Variants in EPAS1 observed in about 807,000 individuals in gnomAD.
EPAS1 encodes the protein endothelial PAS domain protein 1.
EPAS1 carries 23 observed loss-of-function variants against 87.9 expected under a neutral mutation model. That is an observed-to-expected ratio of 0.26 (90% CI 0.19 to 0.37). The LOEUF (loss-of-function observed/expected upper bound fraction) is 0.37, where lower values mean the gene tolerates loss of function less well. Ranked by LOEUF, EPAS1 falls within the 10% of genes least tolerant of loss-of-function variation. The pLI is 1.00. For missense variants in EPAS1, 1,138 were observed against 1,120.7 expected, an observed-to-expected ratio of 1.02 and a Z score of -0.22; for synonymous variants, 508 against 444.3, an observed-to-expected ratio of 1.14 and a Z score of -1.80.
At chr2:46,310,189 C>G (rs1011960476) in intron 1 of EPAS1, among the ~76,000 whole-genome samples, 1 of 150,694 alleles carries the variant, frequency 6.6e-6, no homozygotes, top group African/African-American at 2.5e-5. Flanking sequence ...ACCCTCATCC[C>G]CATGTTCTCT....
intron 1 of EPAS1, among the ~76,000 whole-genome samples, chr2:46,332,332 G>GTGTGTGTATA (rs146630883): frequency 2.1e-5 from 3 of 142,114 alleles, no homozygotes; most frequent in Non-Finnish European, 3.0e-5. Context: ...GTGTGTGTGT[G>GTGTGTGTATA]TATCAACTTG....
At chr2:46,315,368 G>C (rs1391350090) in intron 1 of EPAS1, among the ~76,000 whole-genome samples, 1 of 152,164 alleles carries the variant, frequency 6.6e-6, no homozygotes, top group East Asian at 1.9e-4. Flanking sequence ...ACGGAGGTGA[G>C]TCACAGTGCA....
intron 1 of EPAS1, among the ~76,000 whole-genome samples, chr2:46,334,437 G>A (rs1012891063): frequency 2.6e-5 from 4 of 152,134 alleles, no homozygotes; most frequent in Non-Finnish European, 4.4e-5. Flanking sequence ...CCCATTCCCA[G>A]TGTGTCTTTG....
At chr2:46,377,852 G>A (rs758955293) in intron 9 of EPAS1, 42 bp from the exon 10 acceptor site, 196 of 1,551,500 alleles carry the variant, frequency 1.3e-4, no homozygotes, top group Admixed American at 5.1e-4. Flanking sequence ...GGGTGAGCCC[G>A]ATGGTTGTGG....
intron 1 of EPAS1, among the ~76,000 whole-genome samples, chr2:46,345,227 A>G (rs1684000165): frequency 6.6e-6 from 1 of 152,198 alleles, no homozygotes; most frequent in African/African-American, 2.4e-5. Context: ...TGATTCTCCC[A>G]TCTGGGACTA....
At chr2:46,378,611 C>G in intron 10 of EPAS1, 46 bp from the exon 11 acceptor site, 1 of 1,530,490 alleles carries the variant, frequency 6.5e-7, no homozygotes, top group South Asian at 1.1e-5. Flanking sequence ...TCTGGGGAGA[C>G]CAGTGCCATA....
In EPAS1 at chr2:46,375,857, C is replaced by A; in HGVS notation, c.1034+20C>A. 1 of 1,614,006 alleles carries A rather than the reference C, an allele frequency of 6.2e-7. No individual in the cohort carries two copies. On this transcript the variant is annotated intron_variant, in intron 8 of 15. Transcript: ENST00000263734. This position sits in a 1 kb window ranked among gnomAD's most constrained non-coding sequence, Gnocchi z 4.1. ...CCTGAGGTAAGCATGTGAGGGCTGG[C>A]GGGCCTTGGTGCAGGGTATGTGGGG...
At chr2:46,362,022 G>C (rs572374778) in intron 6 of EPAS1, among the ~76,000 whole-genome samples, 6 of 152,224 alleles carry the variant, frequency 3.9e-5, no homozygotes, top group African/African-American at 1.4e-4. Context: ...TGGGCCCAGG[G>C]TAGGCCTGGC....
intron 10 of EPAS1, among the ~76,000 whole-genome samples, chr2:46,378,403 G>A (rs975636967): frequency 6.6e-6 from 1 of 152,196 alleles, no homozygotes. Context: ...CCTGTATCCT[G>A]TTTGGTCCTC....
At chr2:46,370,044 G>C in intron 7 of EPAS1, 111 bp downstream of exon 7, 1 of 837,232 alleles carries the variant, frequency 1.2e-6, no homozygotes, top group South Asian at 1.4e-5. Flanking sequence ...CAGAGCTGCT[G>C]TCTTGTGTGG....
In EPAS1 at chr2:46,369,816, T is replaced by C; in HGVS notation, c.780-11T>C. ...CTTTCTTCCTTACATGCTGCCTTTTTAAAAACTCAGAATCACAGAACTGAT... is the reference window on the plus strand; with the variant it reads ...CTTTCTTCCTTACATGCTGCCTTTTCAAAAACTCAGAATCACAGAACTGAT... On this transcript the variant is annotated splice_polypyrimidine_tract_variant and intron_variant, in intron 6 of 15. Transcript: ENST00000263734. 1 of 1,608,094 alleles carries C rather than the reference T, an allele frequency of 6.2e-7. No individual in the cohort carries two copies. Among genetic ancestry groups the C allele is most frequent in the Non-Finnish European group, 8.5e-7 (1 of 1,176,034 alleles).
Position 46,297,954 on chromosome 2 carries a change from G to A in EPAS1, c.26+17G>A, listed in dbSNP as rs1403041385. On this transcript the variant is annotated intron_variant, in intron 1 of 15. Coordinates refer to ENST00000263734, the MANE Select transcript of EPAS1 (RefSeq NM_001430.5). Reference sequence around the variant, plus strand: ...GAAGAAAAGGTAAGCGGGCGTCCGGGCCGATCAGGGGGCCGGTCCGAGGCC... The same window carrying A: ...GAAGAAAAGGTAAGCGGGCGTCCGGACCGATCAGGGGGCCGGTCCGAGGCC... 6.2e-7 allele frequency: 1 copy of A among 1,611,674 alleles called. No individual in the cohort carries two copies. Among genetic ancestry groups the A allele is most frequent in the Non-Finnish European group, 8.5e-7 (1 of 1,179,034 alleles).
chr2:46,375,282 C>T lies in EPAS1; in HGVS notation c.887-408C>T, dbSNP rs1395783951. 6.6e-6 allele frequency among the ~76,000 whole-genome samples: 1 copy of T among 151,458 alleles called. No homozygotes were observed. Among genetic ancestry groups the T allele is most frequent in the Admixed American group, 6.6e-5 (1 of 15,226 alleles). ...TGGAGTGCTTGACGGGATGGCGCTC[C>T]TTACCCAGTGTGAAGGGGCTTCTTC... On this transcript the variant is annotated intron_variant, in intron 7 of 15. Transcript: ENST00000263734. The surrounding 1 kb of genome is among the most constrained non-coding windows in gnomAD (Gnocchi z 4.1).
intron 3 of EPAS1, 141 bp downstream of exon 3, chr2:46,356,443 C>T: frequency 1.9e-6 from 2 of 1,077,036 alleles, no homozygotes; most frequent in Non-Finnish European, 2.8e-6. Context: ...AGGCCACACG[C>T]CTCAGGCCAC....
chr2:46,352,728 C>T (rs1033488726), intron 2 of EPAS1, among the ~76,000 whole-genome samples: 1 of 152,194 alleles, frequency 6.6e-6, no homozygotes, highest in Non-Finnish European at 1.5e-5. Context: ...AGGGAAGAGA[C>T]CCTGTCCCGG....
rs57351888 is a variant in EPAS1, at chr2:46,359,257, C to CAA, written c.455-1358_455-1357dup. Among the ~76,000 whole-genome samples the CAA allele has an allele frequency of 6.8e-3, 169 of 24,878 alleles. 15 individuals carry two copies. The highest frequency in any genetic ancestry group is 0.053 in the Middle Eastern group (2 of 38). 16.3% of individuals were successfully genotyped at this position (24,878 alleles called of 152,430 possible). On this transcript the variant is annotated intron_variant, in intron 4 of 15. Coordinates refer to ENST00000263734, the MANE Select transcript of EPAS1 (RefSeq NM_001430.5). The stretch of plus-strand genomic sequence containing the variant: ...CTGGCGACAGAGCAAGATTCTGTCT[C>CAA]AAAAAAAAAAAAAAAAAAAAAAAAG...
intron 1 of EPAS1, among the ~76,000 whole-genome samples, chr2:46,319,891 G>T (rs1055433184): frequency 2.0e-5 from 3 of 152,136 alleles, no homozygotes; most frequent in Non-Finnish European, 4.4e-5. Context: ...TGTCTATGTG[G>T]GAAAGCATGA....
At chr2:46,367,657 C>G (rs1684531999) in intron 6 of EPAS1, among the ~76,000 whole-genome samples, 2 of 152,232 alleles carry the variant, frequency 1.3e-5, no homozygotes, top group Admixed American at 1.3e-4. Flanking sequence ...ACAGATCCTT[C>G]TGCTCTGAGA....
chr2:46,382,075 C>T lies in EPAS1; in HGVS notation c.2273C>T (p.Ala758Val), dbSNP rs771562126. Residue 758 changes from alanine to valine, a missense_variant, in exon 14 of 16, where the codon GCA (alanine) becomes GTA (valine). Ala to Val is a moderately conservative substitution (Grantham distance 64, BLOSUM62 0). Around this residue, in one of 4 missense-constraint regions of EPAS1, gnomAD observed 502 missense variants for 427.1 expected, o/e 1.18. Coordinates refer to ENST00000263734, the MANE Select transcript of EPAS1 (RefSeq NM_001430.5). ...CPLMPDKPLSANVPNDKFTQN... is the reference protein window; with the variant it reads ...CPLMPDKPLSVNVPNDKFTQN... Reference sequence around the variant, plus strand: ...TTGATGCCGGACAAGCCACTGAGCGCAAATGTACCCAATGGTGAGCAGCGG... The same window carrying T: ...TTGATGCCGGACAAGCCACTGAGCGTAAATGTACCCAATGGTGAGCAGCGG... 6.2e-7 allele frequency: 1 copy of T among 1,613,964 alleles called. No homozygotes were observed. Among genetic ancestry groups the T allele is most frequent in the Non-Finnish European group, 8.5e-7 (1 of 1,180,008 alleles).
Sources: allele counts gnomAD v4.1 joint callset (sites outside exome capture counted in the v4.1 genomes callset), GRCh38; gene constraint gnomAD v4.1.1; regional missense constraint gnomAD v4.1.1; non-coding constraint Gnocchi (gnomAD v3.1); transcripts MANE v1.5; gene names NCBI Gene and HGNC (gene_info 2026-07-23, HGNC 2026-07-21).